Variants in SENP7 observed in about 807,000 individuals in gnomAD.
The protein encoded by SENP7 is SUMO specific peptidase 7.
SENP7 carries 64 observed loss-of-function variants against 141.2 expected under a neutral mutation model. That is an observed-to-expected ratio of 0.45 (90% CI 0.37 to 0.56). SENP7 has a LOEUF of 0.56. SENP7 is among the 20% of genes least tolerant of loss of function. SENP7 has a pLI of 0.00. For synonymous variants in SENP7, 382 were observed against 426.4 expected, an observed-to-expected ratio of 0.90 and a Z score of 1.28; for missense variants, 1,025 against 1,212.2, an observed-to-expected ratio of 0.85 and a Z score of 2.29.
chr3:101,384,001 C>A (rs541139085), intron 6 of SENP7, among the ~76,000 whole-genome samples: 1 of 152,346 alleles, frequency 6.6e-6, no homozygotes, highest in African/African-American at 2.4e-5. Context: ...GCACTTCCTA[C>A]CCTCCAAAGG....
intron 16 of SENP7, among the ~76,000 whole-genome samples, chr3:101,339,485 C>T (rs1018569330): frequency 1.2e-4 from 18 of 152,070 alleles, no homozygotes; most frequent in Admixed American, 3.9e-4. Context: ...CTTAGGGAGG[C>T]CAAGGAGGGC....
At chr3:101,328,388 G>T in intron 22 of SENP7, 90 bp downstream of exon 22, 1 of 824,202 alleles carries the variant, frequency 1.2e-6, no homozygotes, top group Non-Finnish European at 2.0e-6. Flanking sequence ...TATAATTCCT[G>T]ATATAGTCTT....
chr3:101,463,374 T>TATATATATATATATATATATATAC (rs1362734903), intron 3 of SENP7, among the ~76,000 whole-genome samples: 2 of 86,004 alleles, frequency 2.3e-5, no homozygotes, highest in Non-Finnish European at 4.4e-5. Flanking sequence ...AATATATATA[T>TATATATATATATATATATATATAC]ATATATATAT....
intron 10 of SENP7, among the ~76,000 whole-genome samples, chr3:101,363,768 A>G (rs1447294875): frequency 2.0e-5 from 3 of 152,230 alleles, no homozygotes; most frequent in African/African-American, 7.2e-5. Context: ...TAATCAGACC[A>G]AACTGTTTTC....
chr3:101,479,179 T>C (rs1486226399), intron 3 of SENP7, among the ~76,000 whole-genome samples: 1 of 152,102 alleles, frequency 6.6e-6, no homozygotes, highest in African/African-American at 2.4e-5. Context: ...TTATTCAACA[T>C]AGTAATGGAA....
intron 3 of SENP7, among the ~76,000 whole-genome samples, chr3:101,477,161 T>C (rs1182015608): frequency 6.6e-6 from 1 of 152,156 alleles, no homozygotes; most frequent in Non-Finnish European, 1.5e-5. Context: ...GTTTTAGTCA[T>C]GAAGTCTTTG....
At chr3:101,461,575 A>G (rs190374252) in intron 3 of SENP7, among the ~76,000 whole-genome samples, 1 of 152,126 alleles carries the variant, frequency 6.6e-6, no homozygotes, top group Non-Finnish European at 1.5e-5. Flanking sequence ...GGGAATGTAA[A>G]TGGTACAGGT....
chr3:101,390,288 C>T (rs1053125325), intron 6 of SENP7, among the ~76,000 whole-genome samples: 2 of 148,736 alleles, frequency 1.3e-5, no homozygotes, highest in Non-Finnish European at 3.0e-5. Context: ...TTAAAATGAC[C>T]CAATTCAACT....
chr3:101,471,518 C>G (rs2063995008), intron 3 of SENP7, among the ~76,000 whole-genome samples: 1 of 152,168 alleles, frequency 6.6e-6, no homozygotes, highest in African/African-American at 2.4e-5. Flanking sequence ...GGATTAAAGA[C>G]TTCAATGTTA....
At chr3:101,336,724 G>A (rs2107154625) in intron 17 of SENP7, among the ~76,000 whole-genome samples, 1 of 152,238 alleles carries the variant, frequency 6.6e-6, no homozygotes, top group South Asian at 2.1e-4. Flanking sequence ...GTTAAGTATG[G>A]GGAAAGGGGA....
intron 7 of SENP7, among the ~76,000 whole-genome samples, chr3:101,371,311 A>G (rs1244488059): frequency 6.6e-6 from 1 of 152,188 alleles, no homozygotes; most frequent in African/African-American, 2.4e-5. Context: ...TTAAAAAGAA[A>G]AAGAGAAAGA....
chr3:101,501,037 A>C (rs777513446), intron 2 of SENP7, 33 bp downstream of exon 2: 2 of 1,443,900 alleles, frequency 1.4e-6, no homozygotes, highest in Non-Finnish European at 1.9e-6. Context: ...GTAACTCCAA[A>C]GATAATAGGT....
chr3:101,349,147 T>C (rs1163707139), intron 12 of SENP7, among the ~76,000 whole-genome samples: 2 of 152,192 alleles, frequency 1.3e-5, no homozygotes, highest in African/African-American at 4.8e-5. Flanking sequence ...AATCTTTCCA[T>C]GATGAGTATT....
At chr3:101,425,287 A>G (rs1467739145) in intron 4 of SENP7, among the ~76,000 whole-genome samples, 1 of 152,154 alleles carries the variant, frequency 6.6e-6, no homozygotes, top group Non-Finnish European at 1.5e-5. Context: ...GTCCAGGAGC[A>G]CCTCAGCCCC....
In SENP7 at chr3:101,390,016, T is replaced by TA. The variant is rs556593577; in HGVS notation, c.677+8844dup. On this transcript the variant is annotated intron_variant, in intron 6 of 23. Transcript: ENST00000394095. Reference sequence around the variant, plus strand: ...GGGTGGATCACCTGAGGTCAGGAGTTAGAGACCAGCCTGACCAATATGGTG... The same window carrying TA: ...GGGTGGATCACCTGAGGTCAGGAGTTAAGAGACCAGCCTGACCAATATGGTG... Among the ~76,000 whole-genome samples the TA allele has an allele frequency of 9.2e-5, 14 of 152,018 alleles. No individual in the cohort carries two copies. In the East Asian group the frequency reaches 1.9e-3, roughly 21 times the overall value.
chr3:101,493,759 CA>C (rs1404228263), intron 3 of SENP7, 113 bp downstream of exon 3: 1 of 581,896 alleles, frequency 1.7e-6, no homozygotes, highest in African/African-American at 1.9e-5. Context: ...AATTAAATAA[CA>C]CAAGAAAACC....
intron 6 of SENP7, among the ~76,000 whole-genome samples, chr3:101,376,734 T>C (rs1261887543): frequency 6.6e-6 from 1 of 151,910 alleles, no homozygotes; most frequent in Non-Finnish European, 1.5e-5. Context: ...TGTATACATA[T>C]GTAACAAACC....
At chr3:101,347,293 T>A (rs2059488485) in intron 13 of SENP7, 1 of 152,200 alleles carries the variant, frequency 6.6e-6, no homozygotes, top group African/African-American at 2.4e-5. Context: ...ATTCTTTTTT[T>A]AAGAACTTAA....
chr3:101,442,993 CT>C (rs2062740322), intron 4 of SENP7, among the ~76,000 whole-genome samples: 2 of 152,314 alleles, frequency 1.3e-5, no homozygotes, highest in South Asian at 4.1e-4. Context: ...GTTGCCATTG[CT>C]TTTGGTGTTT....
Sources: allele counts gnomAD v4.1 joint callset (sites outside exome capture counted in the v4.1 genomes callset), GRCh38; gene constraint gnomAD v4.1.1; transcripts MANE v1.5; gene names NCBI Gene and HGNC (gene_info 2026-07-23, HGNC 2026-07-21).